Variants in TTC23 observed in about 807,000 individuals in gnomAD.
The protein encoded by TTC23 is tetratricopeptide repeat domain 23, also known as tetratricopeptide repeat protein 23.
A neutral mutation model predicts 55.1 loss-of-function variants in TTC23; 58 were observed. The ratio of observed to expected loss-of-function variants is 1.05; its 90% CI spans 0.85 to 1.31. The LOEUF (loss-of-function observed/expected upper bound fraction) is 1.31. TTC23 is among the 50% of genes most tolerant of loss of function. TTC23 has a pLI of 0.00. For missense variants in TTC23, 516 were observed against 534.4 expected (o/e 0.97, Z 0.34); for synonymous variants, 203 against 199.9 (o/e 1.02, Z -0.13).
intron 6 of TTC23, among the ~76,000 whole-genome samples, chr15:99,220,179 C>A (rs1008665790): frequency 6.6e-6 from 1 of 152,192 alleles, no homozygotes; most frequent in African/African-American, 2.4e-5. Flanking sequence ...ATCCCCTGCT[C>A]CACCACTTAT....
chr15:99,247,441 A>G (rs1336912755), intron 1 of TTC23, among the ~76,000 whole-genome samples: 1 of 152,250 alleles, frequency 6.6e-6, no homozygotes. Context: ...TAGTACAATT[A>G]AACACTATAT....
In TTC23 at chr15:99,199,957, G is replaced by C. The variant is rs145429444; in HGVS notation, c.721C>G (p.Leu241Val). 1 of 1,613,300 alleles carries C rather than the reference G, an allele frequency of 6.2e-7. No individual in the cohort carries two copies. ...LRELAGVEQA[L>V]GLHDVSINHF... is the part of the protein sequence containing the mutation. ...TTGATGGATACATCGTGGAGTCCCA[G>C]GGCTTGCTCTACACCTGCTAATTCT... The change falls in exon 9 of 14, where the codon CTG becomes GTG. Residue 241 changes from leucine (L) to valine (V), a missense_variant. Coordinates refer to ENST00000394132, the MANE Select transcript of TTC23 (RefSeq NM_001288615.3).
chr15:99,189,534 T>C (rs1432860092), intron 9 of TTC23, among the ~76,000 whole-genome samples: 4 of 152,142 alleles, frequency 2.6e-5, no homozygotes, highest in Non-Finnish European at 5.9e-5. Context: ...TAAAAATTAG[T>C]ATCACCAGAA....
rs1268961722 is a variant in TTC23, at chr15:99,139,343, G to C, written c.1200C>G (p.Thr400=). The C allele has an allele frequency of 6.2e-7, 1 of 1,613,770 alleles. No homozygotes were observed. Among genetic ancestry groups the C allele is most frequent in the East Asian group, 2.2e-5 (1 of 44,890 alleles). Residue 400 remains threonine, a synonymous_variant, in exon 13 of 14, where the codon ACC becomes ACG. Transcript: ENST00000394132. The part of the protein sequence containing the change: ...YGPQDKRTLA[T]QQAMGMLSTA... ...TGGACAGCATGCCCATGGCCTGCTG[G>C]GTGGCCAGAGTCCTTTTGTCCTGCG...
At position 99,211,813 on chromosome 15, in the gene TTC23, T is replaced by C. The variant is rs115538120; in HGVS notation, c.581+6775A>G. ...TACCCAAGTTCTACAGCTGGGAAGT[T>C]TGAACAAACACTGATTTGAACCCAG... On this transcript the variant is annotated intron_variant, in intron 8 of 13. Coordinates refer to ENST00000394132, the MANE Select transcript of TTC23 (RefSeq NM_001288615.3). Among the ~76,000 whole-genome samples the C allele has an allele frequency of 8.0e-3, 1,217 of 152,244 alleles. 18 individuals carry two copies. Among genetic ancestry groups the C allele is most frequent in the African/African-American group, 0.027 (1,131 of 41,532 alleles).
At chr15:99,156,904 T>C (rs2070664414) in intron 11 of TTC23, among the ~76,000 whole-genome samples, 1 of 152,210 alleles carries the variant, frequency 6.6e-6, no homozygotes, top group South Asian at 2.1e-4. Context: ...AGTTGAGTAG[T>C]AAGAACAAAA....
chr15:99,225,215 G>A (rs748444066), intron 5 of TTC23, among the ~76,000 whole-genome samples: 15 of 152,100 alleles, frequency 9.9e-5, no homozygotes, highest in Admixed American at 2.0e-4. Flanking sequence ...CTTCCTTCAC[G>A]TCCTTATTTG....
At chr15:99,171,547 G>A (rs1183821954) in intron 10 of TTC23, among the ~76,000 whole-genome samples, 1 of 146,420 alleles carries the variant, frequency 6.8e-6, no homozygotes, top group Non-Finnish European at 1.5e-5. Context: ...GCTTGCTCCT[G>A]AGTCTCTCCG....
At chr15:99,188,808 GTAC>G (rs543329699) in intron 9 of TTC23, among the ~76,000 whole-genome samples, 1 of 152,076 alleles carries the variant, frequency 6.6e-6, no homozygotes, top group Non-Finnish European at 1.5e-5. Flanking sequence ...GCTTGACAAT[GTAC>G]TTTGTTGAAA....
chr15:99,175,152 G>A lies in TTC23; in HGVS notation c.763C>T (p.His255Tyr), dbSNP rs769163188. ...DVSINHFLQA[H>Y]LIILSRSPSQ... Reference sequence around the variant, plus strand: ...GGGCTTCTACTCAGGATGATAAGATGTGCCTGTCACCACAGAAAGAAGAAA... The same window carrying A: ...GGGCTTCTACTCAGGATGATAAGATATGCCTGTCACCACAGAAAGAAGAAA... The change falls in exon 10 of 14, where the codon CAT (histidine) becomes TAT (tyrosine). Residue 255 changes from histidine to tyrosine, a missense_variant. By Grantham distance (83) the His-to-Tyr change is moderately conservative. Transcript: ENST00000394132. The A allele has an allele frequency of 3.1e-6, 5 of 1,613,148 alleles. No homozygotes were observed. In the East Asian group the frequency reaches 8.9e-5, roughly 29 times the overall value.
chr15:99,165,989 A>T (rs1020389793), intron 10 of TTC23, among the ~76,000 whole-genome samples: 1 of 152,148 alleles, frequency 6.6e-6, no homozygotes, highest in African/African-American at 2.4e-5. Flanking sequence ...TTTAAAAGTA[A>T]AGGTCTTTCC....
intron 9 of TTC23, among the ~76,000 whole-genome samples, chr15:99,187,525 T>TGCTTCAAA (rs1448578210): frequency 1.1e-4 from 15 of 138,608 alleles, no homozygotes; most frequent in Admixed American, 4.4e-4. Flanking sequence ...AAAACTTTTG[T>TGCTTCAAA]GCTTCAAAGG....
rs961988698 is a variant in TTC23, at chr15:99,219,710, G to A, written c.305-662C>T. 2.6e-5 allele frequency among the ~76,000 whole-genome samples: 4 copies of A among 152,070 alleles called. 1 individual carries two copies. Among genetic ancestry groups the A allele is most frequent in the Non-Finnish European group, 4.4e-5 (3 of 68,018 alleles). ...CACGGGCTTGTTAATCTGTGGGAAG[G>A]GAGGACTGAGATCGCTAGCACGGCT... On this transcript the variant is annotated intron_variant, in intron 6 of 13. Transcript: ENST00000394132.
At chr15:99,186,677 T>G (rs1173327694) in intron 9 of TTC23, among the ~76,000 whole-genome samples, 3 of 152,012 alleles carry the variant, frequency 2.0e-5, no homozygotes, top group Admixed American at 2.0e-4. Flanking sequence ...AATTAGAAAA[T>G]GAAATTTTAA....
At chr15:99,232,093 G>A (rs1447804485) in intron 4 of TTC23, among the ~76,000 whole-genome samples, 2 of 151,816 alleles carry the variant, frequency 1.3e-5, no homozygotes, top group African/African-American at 2.4e-5. Context: ...TGCCTGGCCT[G>A]TGTCTTAGTT....
rs997635346 is a variant in TTC23, at chr15:99,241,498, C to T, written c.-247G>A. ...CAGCCGTGGGTTCAGCTTTCTAGGTCTCTGAATCACAACTGCCAATGAGAC... is the reference window on the plus strand; with the variant it reads ...CAGCCGTGGGTTCAGCTTTCTAGGTTTCTGAATCACAACTGCCAATGAGAC... On this transcript the variant is annotated 5_prime_UTR_variant, in exon 3 of 14. Coordinates refer to ENST00000394132, the MANE Select transcript of TTC23 (RefSeq NM_001288615.3). 1 of 152,288 alleles carries T rather than the reference C, an allele frequency of 6.6e-6. No individual in the cohort carries two copies. The allele number at this position is 152,288 out of a possible 1,614,324, so 9.4% of individuals were successfully genotyped here.
Position 99,155,381 on chromosome 15 carries a change from A to G in TTC23, c.1143+767T>C, listed in dbSNP as rs1337946912. ...AAAGTTGTCAATTCTCACAAGATTTATTTATAAATAATGCAATAAAAATAC... is the reference window on the plus strand; with the variant it reads ...AAAGTTGTCAATTCTCACAAGATTTGTTTATAAATAATGCAATAAAAATAC... On this transcript the variant is annotated intron_variant, in intron 12 of 13. Coordinates refer to ENST00000394132, the MANE Select transcript of TTC23 (RefSeq NM_001288615.3). The G allele has an allele frequency of 2.0e-5, 3 of 152,354 alleles. No homozygotes were observed. In the East Asian group the frequency reaches 5.8e-4, roughly 29 times the overall value. 9.4% of individuals were successfully genotyped at this position (152,354 alleles called of 1,614,324 possible).
intron 5 of TTC23, among the ~76,000 whole-genome samples, chr15:99,226,907 G>A (rs965801534): frequency 9.8e-5 from 15 of 152,296 alleles, no homozygotes; most frequent in Middle Eastern, 3.4e-3. Flanking sequence ...GTCCATCAGG[G>A]TATGCACCTT....
At chr15:99,200,197 G>T in intron 8 of TTC23, 101 bp from the exon 9 acceptor site, 1 of 1,087,290 alleles carries the variant, frequency 9.2e-7, no homozygotes, top group Non-Finnish European at 1.2e-6. Context: ...GATCCCTGGT[G>T]TTCAGGTTCG....
Sources: gnomAD v4.1 joint callset for allele counts (sites outside exome capture counted in the v4.1 genomes callset) on GRCh38, gnomAD v4.1.1 for gene constraint, MANE v1.5 for transcripts, NCBI Gene and HGNC (gene_info 2026-07-23, HGNC 2026-07-21) for gene names.